CERS4: variants seen among roughly 807,000 people sequenced by gnomAD.
CERS4 encodes the protein LAG1 homolog, ceramide synthase 4.
CERS4 carries 65 observed loss-of-function variants against 51.8 expected under a neutral mutation model. The ratio of observed to expected loss-of-function variants is 1.26; its 90% CI spans 1.03 to 1.54. The LOEUF is 1.54. CERS4 is among the 40% of genes most tolerant of loss of function. The pLI is 0.00. For missense variants in CERS4, 563 were observed against 500.4 expected (o/e 1.13, Z -1.19); for synonymous variants, 228 against 208.4 (o/e 1.09, Z -0.81).
rs752060566 is a variant in CERS4 at position 8,261,979 on chromosome 19, A to AGGC, written c.1065_1067dup (p.Ala356dup). On this transcript the variant is annotated inframe_insertion, in exon 12 of 12. Transcript: ENST00000251363. ...GTAGAAGAATCAGACTCCAGTGAGG[A>AGGC]GGCGGCGGCGGCCCAGGAACCTCTG... 60 of 1,601,124 alleles carry AGGC rather than the reference A, an allele frequency of 3.7e-5. No individual in the cohort carries two copies. In the African/African-American group the frequency reaches 4.8e-4, roughly 13 times the overall value.
intron 2 of CERS4, 71 bp from the exon 3 acceptor site, chr19:8,251,005 C>T (rs1021662712): frequency 1.3e-6 from 2 of 1,498,412 alleles, no homozygotes; most frequent in Admixed American, 2.3e-5. Context: ...GAGGCTCCAG[C>T]CTCTCAGGCC....
At position 8,239,930 on chromosome 19, in the gene CERS4, T is replaced by C. The variant is rs148255258; in HGVS notation, c.-1-11146T>C. ...ACTCAAACAACATTCTTTTCTTTCA[T>C]GAAACTTATGCCTTGGGGTGAAGAA... On this transcript the variant is annotated intron_variant, in intron 2 of 11. Transcript: ENST00000251363. Among the ~76,000 whole-genome samples the C allele has an allele frequency of 7.1e-3, 1,076 of 152,242 alleles. 9 individuals carry two copies. The highest frequency in any genetic ancestry group is 0.027 in the Middle Eastern group (8 of 294).
chr19:8,240,752 A>G (rs1968502545), intron 2 of CERS4, among the ~76,000 whole-genome samples: 1 of 152,168 alleles, frequency 6.6e-6, no homozygotes, highest in Non-Finnish European at 1.5e-5. Flanking sequence ...TCTGCTGAGC[A>G]GTGCCAGGGT....
intron 2 of CERS4, among the ~76,000 whole-genome samples, chr19:8,223,607 G>A (rs1421780061): frequency 6.6e-6 from 1 of 151,800 alleles, no homozygotes; most frequent in Non-Finnish European, 1.5e-5. Flanking sequence ...CAACAAGAGA[G>A]AAACTCTGTC....
At chr19:8,240,532 A>T (rs1286798354) in intron 2 of CERS4, 1 of 149,306 alleles carries the variant, frequency 6.7e-6, no homozygotes, top group Non-Finnish European at 1.5e-5. Flanking sequence ...GAATCAGGTG[A>T]CCCCAGGCAG....
At chr19:8,241,893 G>A (rs552720263) in intron 2 of CERS4, among the ~76,000 whole-genome samples, 1 of 152,264 alleles carries the variant, frequency 6.6e-6, no homozygotes. Flanking sequence ...GAAGACAGAG[G>A]ATGACAGGGA....
At chr19:8,252,665 C>T (rs1191087625) in intron 3 of CERS4, among the ~76,000 whole-genome samples, 2 of 152,202 alleles carry the variant, frequency 1.3e-5, no homozygotes, top group African/African-American at 2.4e-5. Context: ...TCTCAAACTC[C>T]TGACGTCAGG....
rs558939523 is a variant in CERS4 at position 8,252,099 on chromosome 19, A to T, written c.173+850A>T. Among the ~76,000 whole-genome samples the T allele has an allele frequency of 8.6e-5, 13 of 151,478 alleles. No individual in the cohort carries two copies. The East Asian group carries it at 2.6e-3, about 30-fold the overall frequency. ...AAAATACAAAAATTAGGCTGGGTGC[A>T]GTGGCTCATGCCTGTAATCCCAGCA... On this transcript the variant is annotated intron_variant, in intron 3 of 11. Transcript: ENST00000251363.
chr19:8,256,742 T>G (rs1371696053), intron 8 of CERS4, 32 bp downstream of exon 8: 3 of 1,601,562 alleles, frequency 1.9e-6, no homozygotes, highest in Non-Finnish European at 2.6e-6. Context: ...GAAGACCCAG[T>G]CTCTGGCCGG....
chr19:8,247,933 CATGTGGG>C (rs1968862981), intron 2 of CERS4, among the ~76,000 whole-genome samples: 1 of 150,436 alleles, frequency 6.6e-6, no homozygotes, highest in Non-Finnish European at 1.5e-5. Flanking sequence ...GAGGTTTCAC[CATGTGGG>C]CCAGGCTGGT....
At chr19:8,251,371 G>C (rs902562852) in intron 3 of CERS4, 122 bp downstream of exon 3, 1 of 1,424,768 alleles carries the variant, frequency 7.0e-7, no homozygotes, top group Non-Finnish European at 9.1e-7. Flanking sequence ...ACCAAAGCGC[G>C]TTCCCTGGCT....
At chr19:8,237,960 A>G (rs1421160678) in intron 2 of CERS4, among the ~76,000 whole-genome samples, 1 of 152,132 alleles carries the variant, frequency 6.6e-6, no homozygotes, top group Non-Finnish European at 1.5e-5. Flanking sequence ...TTTACCATTA[A>G]TAGCCCAAGT....
intron 10 of CERS4, among the ~76,000 whole-genome samples, chr19:8,259,335 G>A (rs186597925): frequency 8.5e-5 from 13 of 152,208 alleles, no homozygotes; most frequent in Admixed American, 2.0e-4. Flanking sequence ...GACCATGCCC[G>A]GCATGTTAGA....
rs1969484940 is a variant in CERS4, at chr19:8,257,948, G to T, written c.811G>T (p.Val271Phe). ...CGCTCTCTTCCTCATCTTCTCCTTT[G>T]TCTTCTTCTACACCCGACTGGTCCT... ...CDALFLIFSF[V>F]FFYTRLVLFP... The change falls in exon 10 of 12, where the codon GTC becomes TTC. Residue 271 changes from valine (V) to phenylalanine (F), a missense_variant. Coordinates refer to ENST00000251363, the MANE Select transcript of CERS4 (RefSeq NM_024552.3). The T allele has an allele frequency of 6.2e-7, 1 of 1,613,948 alleles. No individual in the cohort carries two copies. Among genetic ancestry groups the T allele is most frequent in the Non-Finnish European group, 8.5e-7 (1 of 1,179,970 alleles).
At chr19:8,251,739 G>A (rs1969090772) in intron 3 of CERS4, among the ~76,000 whole-genome samples, 2 of 151,910 alleles carry the variant, frequency 1.3e-5, no homozygotes, top group African/African-American at 4.8e-5. Flanking sequence ...GGGAGGTGGA[G>A]GTTGCAGTGA....
chr19:8,233,012 A>G (rs988280609), intron 2 of CERS4, among the ~76,000 whole-genome samples: 1 of 148,046 alleles, frequency 6.8e-6, no homozygotes, highest in Non-Finnish European at 1.5e-5. Flanking sequence ...TGCTGGGGTT[A>G]CAGACATAAG....
rs1208607853 is a variant in CERS4, at chr19:8,262,140, C to T, written c.*31C>T. The T allele has an allele frequency of 3.5e-6, 5 of 1,430,580 alleles. No homozygotes were observed. The highest frequency in any genetic ancestry group is 3.0e-5 in the Admixed American group (1 of 33,288). 88.6% of individuals were successfully genotyped at this position (1,430,580 alleles called of 1,614,324 possible). A position where few individuals can be genotyped will look rare whatever the true frequency, so the allele number is the denominator to read the frequency against. On this transcript the variant is annotated 3_prime_UTR_variant, in exon 12 of 12. Transcript: ENST00000251363. ...CGGGGCTGGCTGTAAGGGGTTGCCCCCCCGCCAGTGCCTTGGATATTTCTG... is the reference window on the plus strand; with the variant it reads ...CGGGGCTGGCTGTAAGGGGTTGCCCTCCCGCCAGTGCCTTGGATATTTCTG...
chr19:8,248,866 A>G, intron 2 of CERS4, among the ~76,000 whole-genome samples: 1 of 148,470 alleles, frequency 6.7e-6, no homozygotes, highest in Non-Finnish European at 1.5e-5. Flanking sequence ...GGGTGGGTGG[A>G]TGGATGGTGG....
At chr19:8,221,876 T>TTTTG (rs1967565140) in intron 2 of CERS4, among the ~76,000 whole-genome samples, 1 of 87,618 alleles carries the variant, frequency 1.1e-5, no homozygotes. Flanking sequence ...TTTTATGTTT[T>TTTTG]TTTTTTTTTT....
Sources: gnomAD v4.1 joint callset for allele counts (sites outside exome capture counted in the v4.1 genomes callset) on GRCh38, gnomAD v4.1.1 for gene constraint, MANE v1.5 for transcripts, NCBI Gene and HGNC (gene_info 2026-07-23, HGNC 2026-07-21) for gene names.